DGKI: variants seen among roughly 807,000 people sequenced by gnomAD.
DGKI encodes the protein diacylglycerol kinase iota.
In DGKI, 55 loss-of-function variants were observed where a neutral mutation model predicts 147.5. The ratio of observed to expected loss-of-function variants is 0.37; its 90% CI spans 0.30 to 0.47. The LOEUF is 0.47. Ranked by LOEUF, DGKI falls within the 20% of genes least tolerant of loss-of-function variation. The pLI is 1.00. For missense variants in DGKI, 1,007 were observed against 1,323.8 expected (o/e 0.76, Z 3.71); for synonymous variants, 469 against 477.1 (o/e 0.98, Z 0.22).
At chr7:137,764,624 G>A (rs1000982474) in intron 1 of DGKI, among the ~76,000 whole-genome samples, 2 of 152,126 alleles carry the variant, frequency 1.3e-5, no homozygotes, top group South Asian at 4.1e-4. Flanking sequence ...AGTGCTCTTC[G>A]GCAGTATGGC....
intron 23 of DGKI, among the ~76,000 whole-genome samples, chr7:137,478,989 A>G (rs952821082): frequency 1.3e-5 from 2 of 152,368 alleles, no homozygotes; most frequent in African/African-American, 2.4e-5. Context: ...GAATGCAGCT[A>G]TATTTCCCTG....
At chr7:137,823,121 A>G (rs1454162711) in intron 1 of DGKI, among the ~76,000 whole-genome samples, 1 of 152,154 alleles carries the variant, frequency 6.6e-6, no homozygotes, top group Non-Finnish European at 1.5e-5. Context: ...GAAGAGATCT[A>G]AAAAGGTCCC....
At chr7:137,396,456 T>G (rs1160329952) in intron 31 of DGKI, among the ~76,000 whole-genome samples, 2 of 152,208 alleles carry the variant, frequency 1.3e-5, no homozygotes, top group African/African-American at 4.8e-5. Context: ...GGCACCAAGA[T>G]GCTTAACGCC....
chr7:137,436,076 G>A (rs1402900248), intron 28 of DGKI, among the ~76,000 whole-genome samples: 1 of 152,098 alleles, frequency 6.6e-6, no homozygotes, highest in African/African-American at 2.4e-5. Context: ...CACCCAGCCA[G>A]TATCTAACTT....
At chr7:137,685,798 C>G (rs569405368) in intron 2 of DGKI, among the ~76,000 whole-genome samples, 129 of 152,264 alleles carry the variant, frequency 8.5e-4, no homozygotes, top group African/African-American at 3.0e-3. Context: ...TAAAATCTAA[C>G]ACAATGCATT....
At chr7:137,617,080 C>T (rs1008335217) in intron 8 of DGKI, among the ~76,000 whole-genome samples, 1 of 140,988 alleles carries the variant, frequency 7.1e-6, no homozygotes, top group Admixed American at 7.4e-5. Flanking sequence ...TGGCTGATAT[C>T]CTCTTCCTGT....
chr7:137,824,536 GA>G lies in DGKI; in HGVS notation c.401+21925del, dbSNP rs1366706349. 5.4e-3 allele frequency among the ~76,000 whole-genome samples: 216 copies of G among 39,752 alleles called. 2 individuals are homozygous for G. Among genetic ancestry groups the G allele is most frequent in the African/African-American group, 0.031 (208 of 6,718 alleles). 26.1% of individuals were successfully genotyped at this position (39,752 alleles called of 152,430 possible). ...ATCTCAAAAAAAAAAAAAAGAAAAA[GA>G]AAAGAAAATGGAATTATTGGGTTTT... is the stretch of plus-strand genomic sequence containing the variant. On this transcript the variant is annotated intron_variant, in intron 1 of 32. Coordinates refer to ENST00000614521, the MANE Select transcript of DGKI (RefSeq NM_001321708.2).
chr7:137,503,010 C>T (rs1816234264), intron 21 of DGKI, among the ~76,000 whole-genome samples: 1 of 152,102 alleles, frequency 6.6e-6, no homozygotes, highest in Non-Finnish European at 1.5e-5. Flanking sequence ...AGGACCAGAA[C>T]CATCAGACTC....
At chr7:137,404,236 C>A (rs1168793011) in intron 30 of DGKI, among the ~76,000 whole-genome samples, 2 of 151,828 alleles carry the variant, frequency 1.3e-5, no homozygotes, top group Non-Finnish European at 2.9e-5. Context: ...GAATCAGCAA[C>A]TAAAGATATT....
chr7:137,698,179 T>C (rs1402964710), intron 1 of DGKI, among the ~76,000 whole-genome samples: 2 of 151,760 alleles, frequency 1.3e-5, no homozygotes, highest in African/African-American at 4.8e-5. Context: ...GATAGATAGA[T>C]ATATAGATAG....
intron 21 of DGKI, 138 bp downstream of exon 21, chr7:137,521,728 T>C: frequency 1.5e-6 from 1 of 649,676 alleles, no homozygotes; most frequent in Middle Eastern, 2.5e-4. Flanking sequence ...GGAGCCCACA[T>C]GTTACTGTGT....
At chr7:137,842,385 A>G (rs1439132640) in intron 1 of DGKI, among the ~76,000 whole-genome samples, 1 of 152,230 alleles carries the variant, frequency 6.6e-6, no homozygotes, top group East Asian at 1.9e-4. Flanking sequence ...CATTTTTTAC[A>G]TGGTTGCCCA....
rs149520363 is a variant in DGKI, at chr7:137,422,851, G to A, written c.2762-10644C>T. On this transcript the variant is annotated intron_variant, in intron 28 of 32. Coordinates refer to ENST00000614521, the MANE Select transcript of DGKI (RefSeq NM_001321708.2). ...GATCTCCTGACCTAGTGATCCACCC[G>A]CCTCAGCCTCCCAAAGTGCTGGGAT... is the stretch of plus-strand genomic sequence containing the variant. Among the ~76,000 whole-genome samples, 456 of 152,046 alleles carry A rather than the reference G, an allele frequency of 3.0e-3. 2 individuals carry two copies. Among genetic ancestry groups the A allele is most frequent in the African/African-American group, 0.011 (436 of 41,508 alleles).
chr7:137,675,954 G>A (rs570852997), intron 3 of DGKI, among the ~76,000 whole-genome samples: 2 of 152,246 alleles, frequency 1.3e-5, no homozygotes, highest in African/African-American at 4.8e-5. Flanking sequence ...ATACTCAGCT[G>A]TAGCCCATGT....
At chr7:137,805,011 G>A (rs1224005349) in intron 1 of DGKI, among the ~76,000 whole-genome samples, 1 of 152,154 alleles carries the variant, frequency 6.6e-6, no homozygotes, top group Non-Finnish European at 1.5e-5. Flanking sequence ...CAGCTGGGCT[G>A]CTTATTACCT....
In DGKI at chr7:137,522,721, C is replaced by T. The variant is rs548655808; in HGVS notation, c.2148-755G>A. On this transcript the variant is annotated intron_variant, in intron 20 of 32. Transcript: ENST00000614521. Reference sequence around the variant, plus strand: ...ATTCACTCCCCAAATGTCTGTAACTCGACTCCTTGATTTTCTTAAGCGATA... The same window carrying T: ...ATTCACTCCCCAAATGTCTGTAACTTGACTCCTTGATTTTCTTAAGCGATA... Among the ~76,000 whole-genome samples, 8 of 152,152 alleles carry T rather than the reference C, an allele frequency of 5.3e-5. 1 individual carries two copies. Among genetic ancestry groups the T allele is most frequent in the South Asian group, 4.1e-4 (2 of 4,826 alleles).
At chr7:137,812,752 G>C (rs773756728) in intron 1 of DGKI, among the ~76,000 whole-genome samples, 1 of 152,180 alleles carries the variant, frequency 6.6e-6, no homozygotes, top group East Asian at 1.9e-4. Context: ...CACAGACCTG[G>C]AAAGTGGTAA....
At chr7:137,576,547 T>C (rs1243934689) in intron 17 of DGKI, among the ~76,000 whole-genome samples, 2 of 152,200 alleles carry the variant, frequency 1.3e-5, no homozygotes. Context: ...TTTTTCTTAA[T>C]ACCTAATTTT....
chr7:137,424,777 C>T (rs952148108), intron 28 of DGKI, among the ~76,000 whole-genome samples: 9 of 152,198 alleles, frequency 5.9e-5, no homozygotes, highest in Admixed American at 3.9e-4. Context: ...CACGGAATCT[C>T]GCTGATTGCT....
Sources: gnomAD v4.1 joint callset for allele counts (sites outside exome capture counted in the v4.1 genomes callset) on GRCh38, gnomAD v4.1.1 for gene constraint, MANE v1.5 for transcripts, NCBI Gene and HGNC (gene_info 2026-07-23, HGNC 2026-07-21) for gene names.